UBE2V1: variants seen among roughly 807,000 people sequenced by gnomAD.
UBE2V1 encodes the protein ubiquitin-conjugating enzyme E2 variant 1.
Under a neutral mutation model 19.6 loss-of-function variants are expected in UBE2V1, and 15 were observed. That is an observed-to-expected ratio of 0.77 (90% CI 0.51 to 1.18). The LOEUF (loss-of-function observed/expected upper bound fraction) is 1.18. UBE2V1 is among the 50% of genes most tolerant of loss of function. The pLI is 0.00. For missense variants in UBE2V1, 125 were observed against 184.8 expected (o/e 0.68, Z 1.88); for synonymous variants, 60 against 60.7 (o/e 0.99, Z 0.05).
chr20:50,094,888 C>T (rs6020256), intron 2 of UBE2V1: 50,288 of 151,962 alleles, frequency 0.33, 9,097 homozygotes, highest in African/African-American at 0.5. Flanking sequence ...AAGCTGTTAC[C>T]AAAAACAAAT....
intron 2 of UBE2V1, among the ~76,000 whole-genome samples, chr20:50,094,465 G>A (rs1459380808): frequency 6.6e-6 from 1 of 151,256 alleles, no homozygotes; most frequent in Non-Finnish European, 1.5e-5. Flanking sequence ...TAGCCAAAAG[G>A]TAGAAACAAC....
chr20:50,115,721 A>T, upstream of UBE2V1: 6 of 983,552 alleles, frequency 6.1e-6, no homozygotes, highest in Non-Finnish European at 8.0e-6. Flanking sequence ...TCCAACTTTT[A>T]ATCCTCACAA....
chr20:50,107,069 A>C (rs968075020), intron 1 of UBE2V1, among the ~76,000 whole-genome samples: 2 of 152,324 alleles, frequency 1.3e-5, no homozygotes, highest in East Asian at 3.9e-4. Flanking sequence ...AAAACTGGAC[A>C]TAGAGCCATA....
chr20:50,094,579 T>C (rs1296029771), intron 2 of UBE2V1, among the ~76,000 whole-genome samples: 4 of 152,120 alleles, frequency 2.6e-5, no homozygotes, highest in Non-Finnish European at 5.9e-5. Flanking sequence ...TGCTACAATA[T>C]GCTTGAACCT....
chr20:50,107,744 C>G (rs1479225978), intron 1 of UBE2V1, among the ~76,000 whole-genome samples: 2 of 152,200 alleles, frequency 1.3e-5, no homozygotes, highest in Non-Finnish European at 2.9e-5. Flanking sequence ...TGAGTACCTA[C>G]TATTTTGTCC....
At chr20:50,088,644 C>T (rs931874186) in intron 2 of UBE2V1, among the ~76,000 whole-genome samples, 15 of 151,722 alleles carry the variant, frequency 9.9e-5, no homozygotes, top group Non-Finnish European at 1.6e-4. Flanking sequence ...AAAAATTAGC[C>T]AGGTGTGGTG....
intron 2 of UBE2V1, among the ~76,000 whole-genome samples, chr20:50,087,830 G>C (rs766137273): frequency 1.3e-5 from 2 of 152,116 alleles, no homozygotes; most frequent in Non-Finnish European, 2.9e-5. Context: ...ATATAACCCG[G>C]AGACTTCGTA....
At chr20:50,109,073 A>C in intron 1 of UBE2V1, 4 of 985,458 alleles carry the variant, frequency 4.1e-6, no homozygotes, top group Non-Finnish European at 4.8e-6. Flanking sequence ...CTCCTCCCTC[A>C]GTAATGTGGG....
chr20:50,093,995 A>T (rs1184610357), intron 2 of UBE2V1, among the ~76,000 whole-genome samples: 9 of 125,318 alleles, frequency 7.2e-5, no homozygotes, highest in African/African-American at 3.0e-4. Flanking sequence ...CTCAAAAAAA[A>T]AAAAAAAAAA....
At chr20:50,111,592 T>C (rs916523029) in intron 1 of UBE2V1, 21 of 1,000,042 alleles carry the variant, frequency 2.1e-5, no homozygotes, top group Admixed American at 1.8e-4. Context: ...AAAGGATTCA[T>C]GGTCTCCGCT....
At chr20:50,101,571 C>CAAAA (rs11481618) in intron 1 of UBE2V1, among the ~76,000 whole-genome samples, 827 of 71,124 alleles carry the variant, frequency 0.012, 15 homozygotes, top group African/African-American at 0.016. Context: ...CATTTATAAG[C>CAAAA]AAAAAAAAAA....
In UBE2V1 at chr20:50,113,129, C is replaced by T. The variant is rs1229544994; in HGVS notation, c.-1G>A. ...CACCCGAGCCCGTGGTGGCTGCCAT[C>T]TTGCGTCGCTCTTGCTTGAAGGCCG... On this transcript the variant is annotated 5_prime_UTR_variant, in exon 1 of 4. Coordinates refer to ENST00000371674, the MANE Select transcript of UBE2V1 (RefSeq NM_001032288.3). The T allele has an allele frequency of 5.1e-6, 7 of 1,375,072 alleles. No homozygotes were observed. The highest frequency in any genetic ancestry group is 2.9e-5 in the East Asian group (1 of 34,090). The allele number at this position is 1,375,072 out of a possible 1,614,324, so 85.2% of individuals were successfully genotyped here.
chr20:50,100,237 C>T (rs577408456), intron 1 of UBE2V1, among the ~76,000 whole-genome samples: 3 of 148,070 alleles, frequency 2.0e-5, no homozygotes, highest in East Asian at 4.0e-4. Flanking sequence ...GCTATGATCA[C>T]GCCACTGCAT....
chr20:50,097,886 G>A (rs1254041288), intron 1 of UBE2V1, among the ~76,000 whole-genome samples: 1 of 152,140 alleles, frequency 6.6e-6, no homozygotes, highest in African/African-American at 2.4e-5. Context: ...CAAAGTGTAG[G>A]ACACACGCCA....
At chr20:50,085,983 C>T (rs572568854) in intron 2 of UBE2V1, among the ~76,000 whole-genome samples, 1 of 152,266 alleles carries the variant, frequency 6.6e-6, no homozygotes, top group South Asian at 2.1e-4. Flanking sequence ...CTTTCCTCCA[C>T]CACCGTCACC....
upstream of UBE2V1, chr20:50,115,536 T>C (rs771768616): frequency 1.2e-5 from 19 of 1,597,184 alleles, no homozygotes; most frequent in African/African-American, 2.1e-4. Flanking sequence ...CTCAGTTTGC[T>C]TTGTGACTTC....
At chr20:50,115,465 G>C (rs1660251620), upstream of UBE2V1, 1 of 1,539,080 alleles carries the variant, frequency 6.5e-7, no homozygotes, top group South Asian at 1.2e-5. Flanking sequence ...GAAGCATTTG[G>C]GTTCCTAAGG....
chr20:50,108,891 T>G (rs1175933575), intron 1 of UBE2V1: 1 of 976,214 alleles, frequency 1.0e-6, no homozygotes, highest in East Asian at 1.1e-4. Flanking sequence ...CGGGTAGCAG[T>G]AGACACTTCT....
intron 1 of UBE2V1, among the ~76,000 whole-genome samples, chr20:50,099,826 G>T (rs1366671373): frequency 6.6e-6 from 1 of 152,190 alleles, no homozygotes; most frequent in Non-Finnish European, 1.5e-5. Context: ...GGTCAGCTGG[G>T]TATGGCAGCT....
Sources: allele counts gnomAD v4.1 joint callset (sites outside exome capture counted in the v4.1 genomes callset), GRCh38; gene constraint gnomAD v4.1.1; transcripts MANE v1.5; gene names NCBI Gene and HGNC (gene_info 2026-07-23, HGNC 2026-07-21).